The following LRMDA variants were observed in gnomAD, a reference collection of about 807,000 sequenced individuals.
The protein encoded by LRMDA is leucine rich melanocyte differentiation associated, also known as leucine-rich melanocyte differentiation-associated protein.
In LRMDA, 18 loss-of-function variants were observed where a neutral mutation model predicts 29.8. The observed-to-expected ratio is 0.60, with a 90% CI of 0.42 to 0.90. The LOEUF (loss-of-function observed/expected upper bound fraction) is 0.90. LRMDA is among the 40% of genes least tolerant of loss of function. LRMDA has a pLI of 0.00. For synonymous variants in LRMDA, 125 were observed against 109.4 expected, an observed-to-expected ratio of 1.14 and a Z score of -0.89; for missense variants, 273 against 273.9, an observed-to-expected ratio of 1.00 and a Z score of 0.02.
At chr10:75,466,885 A>C (rs1031350914) in intron 2 of LRMDA, among the ~76,000 whole-genome samples, 4 of 152,190 alleles carry the variant, frequency 2.6e-5, no homozygotes, top group African/African-American at 4.8e-5. Context: ...TGAAAAGGAA[A>C]GAAAAAATTA....
At chr10:76,357,360 A>T (rs555120087) in intron 6 of LRMDA, among the ~76,000 whole-genome samples, 5 of 152,320 alleles carry the variant, frequency 3.3e-5, no homozygotes, top group African/African-American at 9.6e-5. Flanking sequence ...TCCATAAACC[A>T]CGGAGTTCAG....
At chr10:75,771,864 T>G (rs1261073823) in intron 2 of LRMDA, among the ~76,000 whole-genome samples, 1 of 152,080 alleles carries the variant, frequency 6.6e-6, no homozygotes, top group Non-Finnish European at 1.5e-5. Context: ...GGGAGAGGGA[T>G]TCAGCCCGTC....
At chr10:75,788,815 C>G (rs1277400281) in intron 2 of LRMDA, among the ~76,000 whole-genome samples, 1 of 152,230 alleles carries the variant, frequency 6.6e-6, no homozygotes, top group Non-Finnish European at 1.5e-5. Context: ...TAAGAAAACA[C>G]TCTTTGCTAC....
At chr10:75,917,984 C>G (rs925870703) in intron 2 of LRMDA, among the ~76,000 whole-genome samples, 1 of 147,420 alleles carries the variant, frequency 6.8e-6, no homozygotes, top group Non-Finnish European at 1.5e-5. Context: ...CACACACACA[C>G]AGGCCTGGCA....
At position 76,258,495 on chromosome 10, in the gene LRMDA, GATATA is replaced by G. The variant is rs137862438; in HGVS notation, c.517-65900_517-65896del. ...TATCCTTCTTCTAGCTACTGGGAAT[GATATA>G]ATATATTATTGTTAACTGTAATCAT... On this transcript the variant is annotated intron_variant, in intron 5 of 6. Transcript: ENST00000611255. 2.8e-3 allele frequency among the ~76,000 whole-genome samples: 426 copies of G among 152,184 alleles called. 22 individuals are homozygous for G. In the East Asian group the frequency reaches 0.062, roughly 22 times the overall value.
intron 5 of LRMDA, among the ~76,000 whole-genome samples, chr10:76,289,098 T>C (rs1445551707): frequency 1.3e-5 from 2 of 151,878 alleles, no homozygotes. Flanking sequence ...AAGGTGGAGG[T>C]GGGATGTTGG....
At chr10:75,510,871 A>G (rs543747743) in intron 2 of LRMDA, among the ~76,000 whole-genome samples, 3 of 152,176 alleles carry the variant, frequency 2.0e-5, no homozygotes, top group Non-Finnish European at 4.4e-5. Context: ...ATAGCCACAC[A>G]TATCCAAAAA....
At chr10:76,160,507 C>CA (rs561026673) in intron 5 of LRMDA, among the ~76,000 whole-genome samples, 2 of 151,282 alleles carry the variant, frequency 1.3e-5, no homozygotes, top group Admixed American at 6.6e-5. Flanking sequence ...GGGATTCATT[C>CA]AAAAAAAATT....
At chr10:75,624,953 T>C (rs1232857120) in intron 2 of LRMDA, among the ~76,000 whole-genome samples, 3 of 152,230 alleles carry the variant, frequency 2.0e-5, no homozygotes, top group Admixed American at 6.5e-5. Context: ...TTATTATAAA[T>C]TGGTTATGTA....
At chr10:76,191,984 A>G (rs556870276) in intron 5 of LRMDA, among the ~76,000 whole-genome samples, 36 of 152,294 alleles carry the variant, frequency 2.4e-4, no homozygotes, top group African/African-American at 8.7e-4. Context: ...CCAAGACAGC[A>G]GAATAACAAA....
At chr10:76,183,730 T>C (rs11001673) in intron 5 of LRMDA, among the ~76,000 whole-genome samples, 1 of 152,208 alleles carries the variant, frequency 6.6e-6, no homozygotes, top group Non-Finnish European at 1.5e-5. Context: ...TTATTTCTTA[T>C]TTTTTAGAGA....
intron 2 of LRMDA, among the ~76,000 whole-genome samples, chr10:75,441,228 AG>A (rs1346359121): frequency 6.6e-6 from 1 of 152,126 alleles, no homozygotes; most frequent in Middle Eastern, 3.2e-3. Flanking sequence ...TTCTATAGAA[AG>A]TTTCTACCTA....
chr10:75,750,232 A>G (rs1302329388), intron 2 of LRMDA, among the ~76,000 whole-genome samples: 1 of 150,152 alleles, frequency 6.7e-6, no homozygotes, highest in Non-Finnish European at 1.5e-5. Flanking sequence ...CACCTCCCGG[A>G]CAGGGCGGCT....
At chr10:76,248,924 T>C (rs1852423570) in intron 5 of LRMDA, among the ~76,000 whole-genome samples, 1 of 152,180 alleles carries the variant, frequency 6.6e-6, no homozygotes, top group Non-Finnish European at 1.5e-5. Context: ...GCCTTTCTTA[T>C]CAACACTTGA....
rs188991681 is a variant in LRMDA, at chr10:75,456,696, A to T, written c.131+18202A>T. 1.2e-4 allele frequency among the ~76,000 whole-genome samples: 18 copies of T among 152,228 alleles called. No homozygotes were observed. In the East Asian group the frequency reaches 3.3e-3, roughly 28 times the overall value. ...TTATTTTATTTTATTTTGTTTTTTG[A>T]AAAAGAGCTTGCTCTTTCGCCCAGG... On this transcript the variant is annotated intron_variant, in intron 2 of 6. Transcript: ENST00000611255.
At chr10:75,762,599 C>A (rs533500665) in intron 2 of LRMDA, among the ~76,000 whole-genome samples, 2 of 152,192 alleles carry the variant, frequency 1.3e-5, no homozygotes, top group Non-Finnish European at 2.9e-5. Context: ...TTGGCTCCCC[C>A]ACTTAATGGC....
intron 2 of LRMDA, among the ~76,000 whole-genome samples, chr10:75,702,666 C>T (rs1842322981): frequency 6.6e-6 from 1 of 152,160 alleles, no homozygotes; most frequent in Non-Finnish European, 1.5e-5. Flanking sequence ...CTAGAAATAA[C>T]AAATAGATTA....
chr10:75,841,510 G>T (rs560924228), intron 2 of LRMDA, among the ~76,000 whole-genome samples: 2 of 152,196 alleles, frequency 1.3e-5, no homozygotes, highest in Non-Finnish European at 2.9e-5. Flanking sequence ...CAAATGCACA[G>T]GAAAGTGGAG....
intron 2 of LRMDA, among the ~76,000 whole-genome samples, chr10:75,953,436 G>C (rs1846611741): frequency 6.6e-6 from 1 of 152,184 alleles, no homozygotes; most frequent in Non-Finnish European, 1.5e-5. Context: ...GTGTGAGGCT[G>C]AGTGGGTAAT....
Sources: allele counts gnomAD v4.1 joint callset (sites outside exome capture counted in the v4.1 genomes callset), GRCh38; gene constraint gnomAD v4.1.1; transcripts MANE v1.5; gene names NCBI Gene and HGNC (gene_info 2026-07-23, HGNC 2026-07-21).